STAT4: variants seen among roughly 807,000 people sequenced by gnomAD.
STAT4 encodes signal transducer and activator of transcription 4.
In STAT4, 42 loss-of-function variants were observed where a neutral mutation model predicts 110.5. The observed-to-expected ratio is 0.38, with a 90% CI of 0.30 to 0.49. The LOEUF is 0.49. Among genes scored for constraint, STAT4 ranks in the 20% least tolerant of loss-of-function variants. The pLI is 0.95. For synonymous variants in STAT4, 284 were observed against 302.2 expected, an observed-to-expected ratio of 0.94 and a Z score of 0.63; for missense variants, 632 against 887.9, an observed-to-expected ratio of 0.71 and a Z score of 3.66.
intron 3 of STAT4, among the ~76,000 whole-genome samples, chr2:191,120,888 A>C (rs962417102): frequency 1.8e-4 from 28 of 152,336 alleles, no homozygotes; most frequent in African/African-American, 6.5e-4. Context: ...AAAACACCAA[A>C]AGCAATGGCA....
rs762171193 is a variant in STAT4, at chr2:191,104,104, G to GA, written c.274-27780dup. 7.9e-5 allele frequency among the ~76,000 whole-genome samples: 12 copies of GA among 151,858 alleles called. No homozygotes were observed. The highest frequency in any genetic ancestry group is 1.3e-4 in the Non-Finnish European group (9 of 67,944). On this transcript the variant is annotated intron_variant, in intron 3 of 23. Transcript: ENST00000392320. The surrounding 1 kb of genome is among the most constrained non-coding windows in gnomAD (Gnocchi z 4.3). The stretch of plus-strand genomic sequence containing the variant: ...AATAACCATATAATCCCCGTTTTGT[G>GA]AAAAAATATATCTATTCATCTCTAA...
chr2:191,089,255 A>T (rs1361661439), intron 3 of STAT4, among the ~76,000 whole-genome samples: 2 of 152,228 alleles, frequency 1.3e-5, no homozygotes, highest in Admixed American at 1.3e-4. Context: ...ATACCATAAT[A>T]GATGTCTCAC....
chr2:191,066,461 T>A lies in STAT4; in HGVS notation c.599A>T (p.Glu200Val). Residue 200 changes from glutamate to valine, a missense_variant, in exon 7 of 24, where the codon GAA (glutamate) becomes GTA (valine). Glu to Val is a moderately radical substitution (Grantham distance 121, BLOSUM62 -2). This residue lies in a region of STAT4 where 488 missense variants were observed against 632.8 expected (regional missense o/e 0.77). Coordinates refer to ENST00000392320, the MANE Select transcript of STAT4 (RefSeq NM_003151.4). This position sits in a 1 kb window ranked among gnomAD's most constrained non-coding sequence, Gnocchi z 4.3. Reference sequence around the variant, plus strand: ...CTTGAAATCGAGGCTGTTAAGCATTTCCTGCAGTGTCAAAACTTCCTGATT... The same window carrying A: ...CTTGAAATCGAGGCTGTTAAGCATTACCTGCAGTGTCAAAACTTCCTGATT... ...MVNQEVLTLQ[E>V]MLNSLDFKRK... is the part of the protein sequence containing the mutation. The A allele has an allele frequency of 3.7e-6, 6 of 1,613,570 alleles. No homozygotes were observed. Among genetic ancestry groups the A allele is most frequent in the Non-Finnish European group, 5.1e-6 (6 of 1,179,680 alleles).
chr2:191,061,795 C>G lies in STAT4; in HGVS notation c.968G>C (p.Cys323Ser). 1.2e-6 allele frequency: 2 copies of G among 1,612,534 alleles called. No homozygotes were observed. Among genetic ancestry groups the G allele is most frequent in the East Asian group, 2.2e-5 (1 of 44,870 alleles). ...CGGCCTCTGAGGGTGGGTTGGCATA[C>G]ATGGCTGTCGCTCAACCACAAATGA... is the stretch of plus-strand genomic sequence containing the variant. ...KNSFVVERQP[C>S]MPTHPQRPLV... The change falls in exon 10 of 24, where the codon TGT becomes TCT. Residue 323 changes from cysteine to serine, a missense_variant. By Grantham distance (112) the Cys-to-Ser change is moderately radical. This residue lies in a region of STAT4 where 488 missense variants were observed against 632.8 expected (regional missense o/e 0.77). Coordinates refer to ENST00000392320, the MANE Select transcript of STAT4 (RefSeq NM_003151.4). The surrounding 1 kb of genome is among the most constrained non-coding windows in gnomAD (Gnocchi z 6.2).
chr2:191,128,746 A>G (rs1698952122), intron 3 of STAT4, among the ~76,000 whole-genome samples: 1 of 152,182 alleles, frequency 6.6e-6, no homozygotes, highest in Admixed American at 6.5e-5. Context: ...AATAGTCATT[A>G]CCCTGGCTTG....
At chr2:191,094,932 A>AAG (rs1384237771) in intron 3 of STAT4, among the ~76,000 whole-genome samples, 4 of 151,240 alleles carry the variant, frequency 2.6e-5, no homozygotes, top group Non-Finnish European at 5.9e-5. Flanking sequence ...AAAAAAAAAA[A>AAG]AAAAAAGTAG....
intron 3 of STAT4, chr2:191,131,920 T>C (rs1699047534): frequency 3.1e-5 from 42 of 1,375,052 alleles, no homozygotes; most frequent in Non-Finnish European, 4.0e-5. Flanking sequence ...ATTAGAGGTC[T>C]GTTTATTCTC....
chr2:191,055,986 A>T (rs1696680808), intron 13 of STAT4, among the ~76,000 whole-genome samples: 1 of 152,184 alleles, frequency 6.6e-6, no homozygotes, highest in Non-Finnish European at 1.5e-5. Context: ...GATGTTTATA[A>T]TACATTATTC....
intron 14 of STAT4, among the ~76,000 whole-genome samples, chr2:191,052,147 C>A (rs190819942): frequency 6.6e-6 from 1 of 152,304 alleles, no homozygotes; most frequent in Non-Finnish European, 1.5e-5. Flanking sequence ...ATGAACTTCA[C>A]TTTATTGCCC....
chr2:191,134,460 C>A (rs1409488302), intron 3 of STAT4, among the ~76,000 whole-genome samples: 3 of 152,132 alleles, frequency 2.0e-5, no homozygotes, highest in Admixed American at 2.0e-4. Flanking sequence ...ATGGTCAGCC[C>A]ACTGCTGCCA....
At chr2:191,080,694 T>C (rs1697441502) in intron 3 of STAT4, among the ~76,000 whole-genome samples, 2 of 152,310 alleles carry the variant, frequency 1.3e-5, no homozygotes, top group East Asian at 3.9e-4. Context: ...CGTATTTAAC[T>C]TTTCAGGCAG....
intron 14 of STAT4, chr2:191,041,403 T>G (rs1696194373): frequency 1.1e-5 from 2 of 180,112 alleles, no homozygotes; most frequent in African/African-American, 4.7e-5. Context: ...TCTGGCATAG[T>G]TTTTTTTCAG....
In STAT4 at chr2:191,112,738, C is replaced by T. The variant is rs963564865; in HGVS notation, c.273+33875G>A. Among the ~76,000 whole-genome samples, 2 of 152,136 alleles carry T rather than the reference C, an allele frequency of 1.3e-5. No homozygotes were observed. Among genetic ancestry groups the T allele is most frequent in the Non-Finnish European group, 2.9e-5 (2 of 68,022 alleles). On this transcript the variant is annotated intron_variant, in intron 3 of 23. Transcript: ENST00000392320. The surrounding 1 kb of genome is among the most constrained non-coding windows in gnomAD (Gnocchi z 4.3). The stretch of plus-strand genomic sequence containing the variant: ...CACTGAAGCCTAGGGAGGGGAAGGT[C>T]GCCCAGTTACAAATGGTAGATGTGG...
chr2:191,067,180 CA>C (rs1203882884), intron 6 of STAT4, among the ~76,000 whole-genome samples: 1 of 151,628 alleles, frequency 6.6e-6, no homozygotes, highest in East Asian at 1.9e-4. Context: ...GTGATACATG[CA>C]ATAAATAAAC....
chr2:191,062,070 T>C lies in STAT4; in HGVS notation c.942-249A>G, dbSNP rs564119362. 3.9e-5 allele frequency among the ~76,000 whole-genome samples: 6 copies of C among 152,316 alleles called. No individual in the cohort carries two copies. The highest frequency in any genetic ancestry group is 7.4e-5 in the Non-Finnish European group (5 of 68,020). On this transcript the variant is annotated intron_variant, in intron 9 of 23. Transcript: ENST00000392320. This position sits in a 1 kb window ranked among gnomAD's most constrained non-coding sequence, Gnocchi z 4.9. Reference sequence around the variant, plus strand: ...CAGTCCATTTAGTAATTTTTTTTTCTTTTGAGAAGGGTCTCCCTCTGTTGC... The same window carrying C: ...CAGTCCATTTAGTAATTTTTTTTTCCTTTGAGAAGGGTCTCCCTCTGTTGC...
At position 191,133,432 on chromosome 2, in the gene STAT4, T is replaced by C. The variant is rs372246621; in HGVS notation, c.273+13181A>G. ...AGCTATGGAGGAAAATAATGTAAGG[T>C]AAGAGATATGGAGTGTTCCTGGTGT... is the stretch of plus-strand genomic sequence containing the variant. On this transcript the variant is annotated intron_variant, in intron 3 of 23. Coordinates refer to ENST00000392320, the MANE Select transcript of STAT4 (RefSeq NM_003151.4). Among the ~76,000 whole-genome samples the C allele has an allele frequency of 3.1e-4, 45 of 146,180 alleles. 2 individuals are homozygous for C. Among genetic ancestry groups the C allele is most frequent in the African/African-American group, 1.1e-3 (42 of 39,292 alleles).
At chr2:191,074,279 T>C (rs1246795687) in intron 4 of STAT4, among the ~76,000 whole-genome samples, 1 of 152,166 alleles carries the variant, frequency 6.6e-6, no homozygotes, top group African/African-American at 2.4e-5. Flanking sequence ...GTTAGAAAGG[T>C]TGATAAACTA....
At position 191,039,059 on chromosome 2, in the gene STAT4, C is replaced by CA. The variant is rs1696118657; in HGVS notation, c.1434+139dup. ...ACTTTAAATATGACATGAGAGGAAACATACAACTAGAAATACTACAAATAA... is the reference window on the plus strand; with the variant it reads ...ACTTTAAATATGACATGAGAGGAAACAATACAACTAGAAATACTACAAATAA... On this transcript the variant is annotated intron_variant, in intron 16 of 23. Coordinates refer to ENST00000392320, the MANE Select transcript of STAT4 (RefSeq NM_003151.4). This position sits in a 1 kb window ranked among gnomAD's most constrained non-coding sequence, Gnocchi z 4.7. 1 of 700,682 alleles carries CA rather than the reference C, an allele frequency of 1.4e-6. No homozygotes were observed. Among genetic ancestry groups the CA allele is most frequent in the Non-Finnish European group, 2.5e-6 (1 of 393,944 alleles). 43.4% of individuals were successfully genotyped at this position (700,682 alleles called of 1,614,324 possible).
At chr2:191,145,347 CA>C (rs1426768724) in intron 3 of STAT4, among the ~76,000 whole-genome samples, 10 of 151,804 alleles carry the variant, frequency 6.6e-5, no homozygotes, top group African/African-American at 2.4e-4. Flanking sequence ...TATTCTTTTC[CA>C]ATCACTTAAA....
Sources: gnomAD v4.1 joint callset for allele counts (sites outside exome capture counted in the v4.1 genomes callset) on GRCh38, gnomAD v4.1.1 for gene constraint, gnomAD v4.1.1 regional missense constraint, Gnocchi (gnomAD v3.1) non-coding constraint, MANE v1.5 for transcripts, NCBI Gene and HGNC (gene_info 2026-07-23, HGNC 2026-07-21) for gene names.